KLRD1: variants seen among roughly 807,000 people sequenced by gnomAD.
KLRD1 encodes the protein killer cell lectin like receptor D1, also known as natural killer cells antigen CD94.
In KLRD1, 21 loss-of-function variants were observed where a neutral mutation model predicts 22.6. The observed-to-expected ratio is 0.93, with a 90% CI of 0.66 to 1.34. The LOEUF is 1.34. Ranked by LOEUF, KLRD1 falls within the 40% of genes most tolerant of loss-of-function variation. The pLI is 0.00. For missense variants in KLRD1, 183 were observed against 208.6 expected (o/e 0.88, Z 0.76); for synonymous variants, 59 against 71.1 (o/e 0.83, Z 0.85).
upstream of KLRD1, among the ~76,000 whole-genome samples, chr12:10,306,430 G>A (rs1341061567): frequency 6.6e-6 from 1 of 152,096 alleles, no homozygotes; most frequent in Non-Finnish European, 1.5e-5. Context: ...TAAAAACTTA[G>A]AACCTCTAAC....
Position 10,278,509 on chromosome 12 carries a change from A to G in KLRD1, c.-100-29469A>G, listed in dbSNP as rs79254621. Among the ~76,000 whole-genome samples, 349 of 152,148 alleles carry G rather than the reference A, an allele frequency of 2.3e-3. 12 individuals are homozygous for G. In the East Asian group the frequency reaches 0.061, roughly 27 times the overall value. On this transcript the variant is annotated intron_variant, in intron 1 of 5. Transcript: ENST00000544747. ...AGCAATTTCTGACTCTACCTTCCTC[A>G]TCTCTTCTTGGTCCACATATTATGA...
rs771543645 is a variant in KLRD1 at position 10,243,631 on chromosome 12, A to AAAAAAAAAAAAAAAAAAAG, written c.-101+17400_-101+17401insAAAAAAAAAAAAAAAAGAA. On this transcript the variant is annotated intron_variant, in intron 1 of 5. Coordinates refer to the KLRD1 transcript ENST00000544747. ...CCAAAAAAAAAAAAAAAAAAAAAAA[A>AAAAAAAAAAAAAAAAAAAG]AACCGAAATGAAAGATATGGAACAA... Among the ~76,000 whole-genome samples the AAAAAAAAAAAAAAAAAAAG allele has an allele frequency of 1.4e-3, 164 of 118,758 alleles. 27 individuals are homozygous for AAAAAAAAAAAAAAAAAAAG. Among genetic ancestry groups the AAAAAAAAAAAAAAAAAAAG allele is most frequent in the East Asian group, 3.3e-3 (10 of 3,020 alleles). 77.9% of individuals were successfully genotyped at this position (118,758 alleles called of 152,430 possible). A position where few individuals can be genotyped will look rare whatever the true frequency, so the allele number is the denominator to read the frequency against.
intron 1 of KLRD1, among the ~76,000 whole-genome samples, chr12:10,258,680 A>G (rs976391523): frequency 2.6e-5 from 4 of 152,204 alleles, no homozygotes; most frequent in Admixed American, 2.6e-4. Context: ...CCAAAGACAT[A>G]TATGTCTCAG....
Position 10,261,935 on chromosome 12 carries a change from C to G in KLRD1, c.-101+35702C>G, listed in dbSNP as rs544947990. 8.5e-5 allele frequency among the ~76,000 whole-genome samples: 13 copies of G among 152,152 alleles called. No homozygotes were observed. The South Asian group carries it at 2.7e-3, about 32-fold the overall frequency. On this transcript the variant is annotated intron_variant, in intron 1 of 5. Transcript: ENST00000544747. ...CTCTTTTTTAGTTGCCACTTGTGAC[C>G]AGATTCCCTTTAGTTTCTGTGTCTA...
At chr12:10,248,587 C>CCTTCCT (rs1565447008) in intron 1 of KLRD1, among the ~76,000 whole-genome samples, 2 of 53,318 alleles carry the variant, frequency 3.8e-5, no homozygotes, top group Admixed American at 2.8e-4. Flanking sequence ...CCTTCCTTCC[C>CCTTCCT]TTCTTTTCTT....
intron 1 of KLRD1, among the ~76,000 whole-genome samples, chr12:10,277,943 AAGT>A (rs1349395634): frequency 6.6e-6 from 1 of 152,174 alleles, no homozygotes; most frequent in Non-Finnish European, 1.5e-5. Flanking sequence ...GAAAGGTTTA[AAGT>A]CTGTGCACTA....
intron 1 of KLRD1, among the ~76,000 whole-genome samples, chr12:10,244,232 TAAAAGA>T (rs1338618529): frequency 2.0e-5 from 3 of 151,804 alleles, no homozygotes; most frequent in Non-Finnish European, 2.9e-5. Flanking sequence ...AACTGGAACA[TAAAAGA>T]AAAGAGAGAG....
intron 1 of KLRD1, among the ~76,000 whole-genome samples, chr12:10,240,175 C>T (rs1949227507): frequency 6.6e-6 from 1 of 151,960 alleles, no homozygotes; most frequent in African/African-American, 2.4e-5. Context: ...ACCTTCTTAC[C>T]TCAGCCCCCC....
intron 1 of KLRD1, among the ~76,000 whole-genome samples, chr12:10,248,238 A>T (rs1349700485): frequency 1.3e-5 from 2 of 151,638 alleles, no homozygotes; most frequent in African/African-American, 2.4e-5. Flanking sequence ...ATCCTGTTTT[A>T]AAAAAAAATC....
chr12:10,285,332 C>T (rs1453247177), intron 1 of KLRD1, among the ~76,000 whole-genome samples: 2 of 152,164 alleles, frequency 1.3e-5, no homozygotes, highest in African/African-American at 2.4e-5. Flanking sequence ...TGTAAAACCA[C>T]AGCCAGTCAA....
At chr12:10,287,268 C>G (rs1364364440) in intron 1 of KLRD1, among the ~76,000 whole-genome samples, 1 of 152,136 alleles carries the variant, frequency 6.6e-6, no homozygotes, top group Admixed American at 6.6e-5. Flanking sequence ...TGAAGTTAGA[C>G]AGCCATGGGA....
chr12:10,279,299 T>C (rs559088694), intron 1 of KLRD1, among the ~76,000 whole-genome samples: 4 of 152,340 alleles, frequency 2.6e-5, no homozygotes, highest in Admixed American at 2.6e-4. Context: ...TCCAGCTTCA[T>C]CCATGTTGCT....
intron 1 of KLRD1, among the ~76,000 whole-genome samples, chr12:10,253,199 T>C (rs12824930): frequency 0.068 from 10,343 of 152,164 alleles, 423 homozygotes; most frequent in East Asian, 0.17. Flanking sequence ...AGTATTTAAA[T>C]CTCAGTTTTC....
intron 1 of KLRD1, among the ~76,000 whole-genome samples, chr12:10,280,945 C>G (rs1483223624): frequency 2.0e-5 from 3 of 152,092 alleles, no homozygotes; most frequent in African/African-American, 7.2e-5. Flanking sequence ...AGGGAATAAC[C>G]TGGACTCATC....
chr12:10,291,196 A>G (rs1161692981), intron 1 of KLRD1, among the ~76,000 whole-genome samples: 2 of 152,340 alleles, frequency 1.3e-5, no homozygotes, highest in East Asian at 3.9e-4. Context: ...AGAGAGTCCT[A>G]GTCTGTTTCT....
At chr12:10,241,817 G>C (rs1324757659) in intron 1 of KLRD1, among the ~76,000 whole-genome samples, 3 of 152,092 alleles carry the variant, frequency 2.0e-5, no homozygotes, top group Non-Finnish European at 4.4e-5. Flanking sequence ...TTCACATATA[G>C]AATGGATATT....
At chr12:10,268,692 G>A (rs904187414) in intron 1 of KLRD1, among the ~76,000 whole-genome samples, 1 of 152,006 alleles carries the variant, frequency 6.6e-6, no homozygotes, top group Non-Finnish European at 1.5e-5. Context: ...CCTTGCCGAA[G>A]ACATGCAAAA....
chr12:10,260,768 G>A (rs1277639641), intron 1 of KLRD1, among the ~76,000 whole-genome samples: 3 of 152,082 alleles, frequency 2.0e-5, no homozygotes, highest in Non-Finnish European at 2.9e-5. Flanking sequence ...GTGAAACCCC[G>A]TCTCTACTAA....
chr12:10,275,470 A>G (rs1027828601), intron 1 of KLRD1, among the ~76,000 whole-genome samples: 3 of 152,194 alleles, frequency 2.0e-5, no homozygotes, highest in African/African-American at 7.2e-5. Context: ...GGTGGTGTTA[A>G]TGCAACCTGC....
Sources: allele counts gnomAD v4.1 joint callset (sites outside exome capture counted in the v4.1 genomes callset), GRCh38; gene constraint gnomAD v4.1.1; transcripts MANE v1.5; gene names NCBI Gene and HGNC (gene_info 2026-07-23, HGNC 2026-07-21).